CTNNA3: variants seen among roughly 807,000 people sequenced by gnomAD.
CTNNA3 encodes catenin alpha-3.
CTNNA3 carries 76 observed loss-of-function variants against 95.7 expected under a neutral mutation model. The ratio of observed to expected loss-of-function variants is 0.79; its 90% CI spans 0.66 to 0.96. The LOEUF (loss-of-function observed/expected upper bound fraction) is 0.96. CTNNA3 is among the 40% of genes least tolerant of loss of function. CTNNA3 has a pLI of 0.00. For synonymous variants in CTNNA3, 431 were observed against 374.4 expected (o/e 1.15, Z -1.74); for missense variants, 1,191 against 1,089.8 (o/e 1.09, Z -1.31).
At chr10:65,974,913 T>C (rs929313188) in intron 16 of CTNNA3, among the ~76,000 whole-genome samples, 12 of 152,176 alleles carry the variant, frequency 7.9e-5, no homozygotes, top group Non-Finnish European at 1.2e-4. Context: ...TGTTATTTTT[T>C]AAAGCTTTTA....
At chr10:66,123,705 A>G (rs892252791) in intron 13 of CTNNA3, among the ~76,000 whole-genome samples, 1 of 152,158 alleles carries the variant, frequency 6.6e-6, no homozygotes, top group Non-Finnish European at 1.5e-5. Context: ...AGGTGGAGGT[A>G]CCCAAACCCA....
intron 10 of CTNNA3, among the ~76,000 whole-genome samples, chr10:66,578,600 T>C (rs903484728): frequency 3.9e-5 from 6 of 151,982 alleles, no homozygotes; most frequent in Non-Finnish European, 8.8e-5. Context: ...GGTAATTCTA[T>C]TTATATGGTG....
At chr10:66,318,366 T>A (rs1393114976) in intron 12 of CTNNA3, among the ~76,000 whole-genome samples, 1 of 151,708 alleles carries the variant, frequency 6.6e-6, no homozygotes, top group Non-Finnish European at 1.5e-5. Flanking sequence ...GCATACTCTA[T>A]AATCCCAGTG....
intron 9 of CTNNA3, among the ~76,000 whole-genome samples, chr10:66,668,956 T>C (rs1411856345): frequency 3.3e-5 from 5 of 152,172 alleles, no homozygotes; most frequent in Non-Finnish European, 7.3e-5. Context: ...ATTATCTAAA[T>C]GAGCCATTTG....
At chr10:67,391,650 AACTATACT>A (rs1844492235) in intron 5 of CTNNA3, among the ~76,000 whole-genome samples, 1 of 150,444 alleles carries the variant, frequency 6.6e-6, no homozygotes, top group South Asian at 2.1e-4. Context: ...CCTGACTTCA[AACTATACT>A]ACAAGGCTAC....
intron 15 of CTNNA3, among the ~76,000 whole-genome samples, chr10:66,008,882 A>G (rs879754254): frequency 3.3e-5 from 5 of 152,066 alleles, no homozygotes; most frequent in African/African-American, 1.2e-4. Context: ...TGGGTGGATC[A>G]TGAGGTCAGG....
chr10:66,633,813 C>A (rs543560389), intron 9 of CTNNA3, among the ~76,000 whole-genome samples: 6 of 151,950 alleles, frequency 3.9e-5, no homozygotes, highest in African/African-American at 1.2e-4. Flanking sequence ...AGAAGTATCC[C>A]CTTTTGACTA....
chr10:67,013,239 TATTA>T (rs1852451327), intron 7 of CTNNA3, among the ~76,000 whole-genome samples: 1 of 151,550 alleles, frequency 6.6e-6, no homozygotes, highest in Admixed American at 6.6e-5. Flanking sequence ...CTTAATACTC[TATTA>T]AGTTGCCTCT....
intron 5 of CTNNA3, among the ~76,000 whole-genome samples, chr10:67,328,884 G>A (rs765066375): frequency 1.3e-5 from 2 of 151,950 alleles, no homozygotes; most frequent in Non-Finnish European, 2.9e-5. Context: ...GACTTATTTG[G>A]TTTTGAAACT....
intron 11 of CTNNA3, among the ~76,000 whole-genome samples, chr10:66,452,996 A>G (rs1274636063): frequency 6.6e-6 from 1 of 152,054 alleles, no homozygotes; most frequent in Non-Finnish European, 1.5e-5. Context: ...CAGGCGGATC[A>G]CGGGTTCAGG....
chr10:66,144,694 G>C (rs959574254), intron 13 of CTNNA3, among the ~76,000 whole-genome samples: 1 of 152,070 alleles, frequency 6.6e-6, no homozygotes, highest in Non-Finnish European at 1.5e-5. Context: ...CTCCATGTTG[G>C]TCAGGCTGGT....
At chr10:67,468,000 T>C (rs995644497) in intron 5 of CTNNA3, among the ~76,000 whole-genome samples, 6 of 151,856 alleles carry the variant, frequency 4.0e-5, no homozygotes, top group Non-Finnish European at 5.9e-5. Flanking sequence ...CATGAGCCAC[T>C]GTGCCTAGCC....
chr10:67,171,739 A>G (rs1174426098), intron 7 of CTNNA3, among the ~76,000 whole-genome samples: 1 of 152,080 alleles, frequency 6.6e-6, no homozygotes, highest in Non-Finnish European at 1.5e-5. Flanking sequence ...TGGGTAAGAG[A>G]GCAAGACCCT....
chr10:67,013,371 A>G (rs1382572368), intron 7 of CTNNA3, among the ~76,000 whole-genome samples: 1 of 152,148 alleles, frequency 6.6e-6, no homozygotes, highest in Admixed American at 6.6e-5. Flanking sequence ...CTTTATTAGG[A>G]TTTGTTAAAA....
At chr10:67,413,138 AG>A (rs1845425426) in intron 5 of CTNNA3, among the ~76,000 whole-genome samples, 1 of 152,082 alleles carries the variant, frequency 6.6e-6, no homozygotes, top group Non-Finnish European at 1.5e-5. Flanking sequence ...TCAACGTAAA[AG>A]TATGCGGTAA....
intron 13 of CTNNA3, among the ~76,000 whole-genome samples, chr10:66,167,528 T>C (rs898719359): frequency 6.6e-6 from 1 of 152,166 alleles, no homozygotes; most frequent in Non-Finnish European, 1.5e-5. Flanking sequence ...TGACTAATAA[T>C]TGTGTTAAAT....
chr10:66,225,227 C>T (rs532629005), intron 13 of CTNNA3, among the ~76,000 whole-genome samples: 1 of 151,572 alleles, frequency 6.6e-6, no homozygotes, highest in Non-Finnish European at 1.5e-5. Context: ...TTCTAATAAT[C>T]ACAGTTTTCA....
At chr10:65,934,483 A>G (rs772069154) in intron 17 of CTNNA3, among the ~76,000 whole-genome samples, 1 of 152,184 alleles carries the variant, frequency 6.6e-6, no homozygotes, top group South Asian at 2.1e-4. Flanking sequence ...GCTGTTGCTC[A>G]TCTACAACTA....
At chr10:66,845,859 G>A (rs1353276467) in intron 7 of CTNNA3, among the ~76,000 whole-genome samples, 2 of 151,328 alleles carry the variant, frequency 1.3e-5, no homozygotes, top group Non-Finnish European at 2.9e-5. Context: ...GGCTGTAAGC[G>A]GTGGCTCACG....
Sources: allele counts gnomAD v4.1 joint callset (sites outside exome capture counted in the v4.1 genomes callset), GRCh38; gene constraint gnomAD v4.1.1; transcripts MANE v1.5; gene names NCBI Gene and HGNC (gene_info 2026-07-23, HGNC 2026-07-21).